KIAA0753: variants seen among roughly 807,000 people sequenced by gnomAD.
KIAA0753 encodes the protein KIAA0753.
KIAA0753 carries 114 observed loss-of-function variants against 116.9 expected under a neutral mutation model. That is an observed-to-expected ratio of 0.98 (90% CI 0.84 to 1.14). KIAA0753 has a LOEUF of 1.14. Among genes scored for constraint, KIAA0753 ranks in the 50% most tolerant of loss-of-function variants. KIAA0753 has a pLI of 0.00. For missense variants in KIAA0753, 1,156 were observed against 1,172.4 expected (o/e 0.99, Z 0.20); for synonymous variants, 405 against 413.1 (o/e 0.98, Z 0.24).
At chr17:6,615,482 G>A (rs940772287) in intron 7 of KIAA0753, among the ~76,000 whole-genome samples, 2 of 151,856 alleles carry the variant, frequency 1.3e-5, no homozygotes, top group Non-Finnish European at 1.5e-5. Context: ...AGGCATGTTG[G>A]CAGGTGCCTG....
At chr17:6,597,907 TTTTG>T (rs1969591099) in intron 14 of KIAA0753, among the ~76,000 whole-genome samples, 1 of 152,246 alleles carries the variant, frequency 6.6e-6, no homozygotes, top group Non-Finnish European at 1.5e-5. Flanking sequence ...GTTTGTTTGC[TTTTG>T]TTTGTTTTCA....
Position 6,589,849 on chromosome 17 carries a change from A to G in KIAA0753, c.2716T>C (p.Phe906Leu). ...QHSIGDYCSRFEQYLRIISHE... is the reference protein window; with the variant it reads ...QHSIGDYCSRLEQYLRIISHE... ...GATATGATCCGAAGGTACTGCTCAA[A>G]ACGACTACAGTAGTCACCGATGCTG... Residue 906 changes from phenylalanine (F) to leucine (L), a missense_variant, in exon 18 of 19, where the codon TTT (phenylalanine) becomes CTT (leucine). Physicochemically the swap from Phe to Leu is conservative, Grantham distance 22. Transcript: ENST00000361413. 1 of 1,614,112 alleles carries G rather than the reference A, an allele frequency of 6.2e-7. No homozygotes were observed. Among genetic ancestry groups the G allele is most frequent in the Non-Finnish European group, 8.5e-7 (1 of 1,179,968 alleles).
At chr17:6,633,688 G>C (rs1251213676) in intron 2 of KIAA0753, among the ~76,000 whole-genome samples, 1 of 152,034 alleles carries the variant, frequency 6.6e-6, no homozygotes, top group Non-Finnish European at 1.5e-5. Context: ...CTCATAGTAT[G>C]GAATGAGAAA....
chr17:6,600,180 A>G (rs1218847345), intron 13 of KIAA0753, among the ~76,000 whole-genome samples, 200 bp downstream of exon 13: 1 of 152,224 alleles, frequency 6.6e-6, no homozygotes, highest in African/African-American at 2.4e-5. Context: ...TCTCAAAAGG[A>G]GGACTTTCCC....
Position 6,609,977 on chromosome 17 carries a change from C to G in KIAA0753, c.1712+17G>C, listed in dbSNP as rs1411776971. The G allele has an allele frequency of 6.2e-7, 1 of 1,613,324 alleles. No individual in the cohort carries two copies. Among genetic ancestry groups the G allele is most frequent in the Admixed American group, 1.7e-5 (1 of 59,988 alleles). ...AGAGCATCACATACACAAACGGTCC[C>G]TTGAGTTTTCACATACCATTTAGGA... On this transcript the variant is annotated intron_variant, in intron 9 of 18. Transcript: ENST00000361413.
In KIAA0753 at chr17:6,606,892, A is replaced by G. The variant is rs1399134175; in HGVS notation, c.1990T>C (p.Tyr664His). The stretch of plus-strand genomic sequence containing the variant: ...ACATACCTCAATTGTTGGAGTCTAT[A>G]CATTTCTTCAGCTTTGAGCTCATTC... ...ELNELKAEEM[Y>H]RLQQLSVSAT... Residue 664 changes from tyrosine (Y) to histidine (H), a missense_variant, in exon 12 of 19, where the codon TAT becomes CAT. Physicochemically the swap from Tyr to His is moderately conservative, Grantham distance 83. Coordinates refer to ENST00000361413, the MANE Select transcript of KIAA0753 (RefSeq NM_014804.3). The G allele has an allele frequency of 6.2e-7, 1 of 1,613,798 alleles. No individual in the cohort carries two copies.
chr17:6,610,045 T>A lies in KIAA0753; in HGVS notation c.1661A>T (p.Lys554Met), dbSNP rs901060784. 1.2e-6 allele frequency: 2 copies of A among 1,614,064 alleles called. No homozygotes were observed. The highest frequency in any genetic ancestry group is 2.7e-5 in the African/African-American group (2 of 74,918). Residue 554 changes from lysine to methionine, a missense_variant, in exon 9 of 19, where the codon AAG (lysine) becomes ATG (methionine). Transcript: ENST00000361413. Reference protein sequence around the residue: ...KMNRQPVKDRKAPWIPPNPTS... With the variant: ...KMNRQPVKDRMAPWIPPNPTS... ...GGGGTTTGGGGGTATCCATGGTGCC[T>A]TGCGGTCTTTCACAGGCTGCCGGTT...
intron 7 of KIAA0753, among the ~76,000 whole-genome samples, chr17:6,613,825 T>C (rs540663199): frequency 6.6e-6 from 1 of 152,202 alleles, no homozygotes; most frequent in African/African-American, 2.4e-5. Context: ...CAGAAGAGAC[T>C]TTCTTAAAGC....
At chr17:6,602,274 C>T (rs1401242082) in intron 12 of KIAA0753, among the ~76,000 whole-genome samples, 1 of 152,148 alleles carries the variant, frequency 6.6e-6, no homozygotes, top group African/African-American at 2.4e-5. Flanking sequence ...AGGCATTTAC[C>T]CAAGAGAAAT....
intron 12 of KIAA0753, among the ~76,000 whole-genome samples, chr17:6,606,094 C>T (rs1296479671): frequency 1.3e-5 from 2 of 152,082 alleles, no homozygotes; most frequent in African/African-American, 4.8e-5. Flanking sequence ...CTGGACAGTT[C>T]CTTGGTGGAG....
At chr17:6,621,659 C>A (rs542091685) in intron 6 of KIAA0753, among the ~76,000 whole-genome samples, 6 of 152,204 alleles carry the variant, frequency 3.9e-5, no homozygotes, top group Non-Finnish European at 8.8e-5. Flanking sequence ...ACATTTCTTG[C>A]ATTTTGAAAA....
chr17:6,611,134 C>A (rs1282604656), intron 8 of KIAA0753, among the ~76,000 whole-genome samples: 1 of 152,142 alleles, frequency 6.6e-6, no homozygotes, highest in Non-Finnish European at 1.5e-5. Flanking sequence ...CAGTTTTCCA[C>A]TGATAGGGCC....
chr17:6,605,301 C>T (rs1429552662), intron 12 of KIAA0753, among the ~76,000 whole-genome samples: 1 of 152,144 alleles, frequency 6.6e-6, no homozygotes, highest in Non-Finnish European at 1.5e-5. Context: ...CAGTAGCTGA[C>T]CAGAAAGAGC....
At chr17:6,609,108 TGA>T (rs1443353154) in intron 9 of KIAA0753, among the ~76,000 whole-genome samples, 1 of 152,182 alleles carries the variant, frequency 6.6e-6, no homozygotes, top group Non-Finnish European at 1.5e-5. Context: ...AACTTGAAAA[TGA>T]GAGTGGATGG....
rs1967930725 is a variant in KIAA0753 at position 6,578,694 on chromosome 17, C to G, written c.*1053G>C. 6.6e-6 allele frequency: 1 copy of G among 152,214 alleles called. No individual in the cohort carries two copies. Among genetic ancestry groups the G allele is most frequent in the Admixed American group, 6.5e-5 (1 of 15,276 alleles). The allele number at this position is 152,214 out of a possible 1,614,324, so 9.4% of individuals were successfully genotyped here. A position where few individuals can be genotyped will look rare whatever the true frequency, so the allele number is the denominator to read the frequency against. On this transcript the variant is annotated 3_prime_UTR_variant, in exon 19 of 19. Transcript: ENST00000361413. ...TTTCTGCATGTTTCCTTCACTGAGC[C>G]TCAGGCTACGAATTGAGAGAAAGTC...
intron 7 of KIAA0753, among the ~76,000 whole-genome samples, chr17:6,615,400 G>A (rs1262195628): frequency 6.6e-6 from 1 of 151,982 alleles, no homozygotes; most frequent in Non-Finnish European, 1.5e-5. Flanking sequence ...AGTGATGCTG[G>A]CGATTCAGAT....
At chr17:6,604,069 T>C (rs553270808) in intron 12 of KIAA0753, among the ~76,000 whole-genome samples, 21 of 152,192 alleles carry the variant, frequency 1.4e-4, no homozygotes, top group African/African-American at 5.1e-4. Flanking sequence ...TGGAAAACAG[T>C]ATGGCAGTTT....
intron 4 of KIAA0753, among the ~76,000 whole-genome samples, 187 bp downstream of exon 4, chr17:6,624,568 A>ACG (rs1237283334): frequency 2.5e-4 from 38 of 151,992 alleles, no homozygotes; most frequent in African/African-American, 8.9e-4. Flanking sequence ...ACACACACAC[A>ACG]CACGCAGATT....
chr17:6,607,042 C>G (rs1178284633), intron 11 of KIAA0753, 80 bp from the exon 12 acceptor site: 4 of 1,461,360 alleles, frequency 2.7e-6, no homozygotes, highest in African/African-American at 1.4e-5. Flanking sequence ...CTTGGCTCCC[C>G]CCTTGGCTTC....
Sources: gnomAD v4.1 joint callset for allele counts (sites outside exome capture counted in the v4.1 genomes callset) on GRCh38, gnomAD v4.1.1 for gene constraint, MANE v1.5 for transcripts, NCBI Gene and HGNC (gene_info 2026-07-23, HGNC 2026-07-21) for gene names.